The following ATP8A1 variants were observed in gnomAD, a reference collection of about 807,000 sequenced individuals.
ATP8A1 encodes ATPase phospholipid transporting 8A1, also known as phospholipid-transporting ATPase IA.
ATP8A1 carries 90 observed loss-of-function variants against 177.7 expected under a neutral mutation model. That is an observed-to-expected ratio of 0.51 (90% CI 0.43 to 0.60). ATP8A1 has a LOEUF of 0.60. Ranked by LOEUF, ATP8A1 falls within the 20% of genes least tolerant of loss-of-function variation. The pLI, the probability that ATP8A1 is intolerant of heterozygous loss-of-function variation, is 0.00. For missense variants in ATP8A1, 1,072 were observed against 1,392.8 expected, an observed-to-expected ratio of 0.77 and a Z score of 3.67; for synonymous variants, 493 against 485.9, an observed-to-expected ratio of 1.01 and a Z score of -0.19.
chr4:42,464,791 A>G lies in ATP8A1; in HGVS notation c.2518T>C (p.Leu840=). The G allele has an allele frequency of 6.2e-7, 1 of 1,613,622 alleles. No homozygotes were observed. The highest frequency in any genetic ancestry group is 2.2e-5 in the East Asian group (1 of 44,862). Residue 840 remains leucine (L), a synonymous_variant, in exon 27 of 37, where the codon TTG becomes CTG. Coordinates refer to ENST00000381668, the MANE Select transcript of ATP8A1 (RefSeq NM_006095.2). The part of the protein sequence containing the change: ...SDYSIAQFKY[L]KNLLMIHGAW... The stretch of plus-strand genomic sequence containing the variant: ...CCATGAATCATCAGTAAATTCTTCA[A>G]ATATTTGAACTAAAACAAGAGTGGG...
intron 35 of ATP8A1, among the ~76,000 whole-genome samples, chr4:42,421,850 T>G (rs1713976039): frequency 6.6e-6 from 1 of 152,176 alleles, no homozygotes; most frequent in Non-Finnish European, 1.5e-5. Flanking sequence ...AATAATTGTC[T>G]TTTATTATAG....
intron 24 of ATP8A1, among the ~76,000 whole-genome samples, chr4:42,501,367 GGCA>G (rs1280460754): frequency 2.0e-5 from 3 of 152,120 alleles, no homozygotes; most frequent in Non-Finnish European, 2.9e-5. Context: ...TTACTTTGTA[GGCA>G]GCAGAACTGG....
intron 6 of ATP8A1, among the ~76,000 whole-genome samples, chr4:42,599,675 G>A (rs1415333789): frequency 6.6e-6 from 1 of 152,188 alleles, no homozygotes; most frequent in Non-Finnish European, 1.5e-5. Context: ...AAGTACTGGA[G>A]TGCAAATAAA....
chr4:42,442,548 G>C (rs1449688703), intron 33 of ATP8A1, among the ~76,000 whole-genome samples: 3 of 152,190 alleles, frequency 2.0e-5, no homozygotes, highest in Non-Finnish European at 4.4e-5. Context: ...GTAGAAGGAA[G>C]TATATACTCC....
chr4:42,588,187 CACA>C (rs1733819518), intron 8 of ATP8A1, 70 bp downstream of exon 8: 1 of 1,306,198 alleles, frequency 7.7e-7, no homozygotes, highest in Non-Finnish European at 1.1e-6. Flanking sequence ...AAGACAATAA[CACA>C]AAGAAAGAAG....
At chr4:42,566,518 G>A (rs1227271531) in intron 15 of ATP8A1, among the ~76,000 whole-genome samples, 1 of 152,190 alleles carries the variant, frequency 6.6e-6, no homozygotes, top group Admixed American at 6.5e-5. Context: ...AATGCTCAAA[G>A]TTGTGCAAAG....
chr4:42,632,578 A>G (rs960009899), intron 1 of ATP8A1, among the ~76,000 whole-genome samples: 1 of 152,206 alleles, frequency 6.6e-6, no homozygotes, highest in African/African-American at 2.4e-5. Flanking sequence ...TAACTACTGA[A>G]TATGTTAATA....
chr4:42,517,793 G>C (rs1725712222), intron 22 of ATP8A1, among the ~76,000 whole-genome samples: 1 of 152,190 alleles, frequency 6.6e-6, no homozygotes, highest in African/African-American at 2.4e-5. Context: ...AGCTCAAACA[G>C]TACAGTTTTG....
intron 15 of ATP8A1, among the ~76,000 whole-genome samples, chr4:42,565,005 T>C (rs1403633784): frequency 6.6e-6 from 1 of 152,168 alleles, no homozygotes; most frequent in Non-Finnish European, 1.5e-5. Context: ...GGGGGAGTTT[T>C]CCTGCACAAG....
At chr4:42,427,228 A>G (rs1389369722) in intron 33 of ATP8A1, among the ~76,000 whole-genome samples, 2 of 152,238 alleles carry the variant, frequency 1.3e-5, no homozygotes, top group African/African-American at 4.8e-5. Flanking sequence ...AAACATAACT[A>G]AAAAAGTAAA....
At chr4:42,624,674 C>G (rs776781856) in intron 3 of ATP8A1, 40 bp from the exon 4 acceptor site, 1 of 1,119,940 alleles carries the variant, frequency 8.9e-7, no homozygotes, top group Non-Finnish European at 1.2e-6. Flanking sequence ...CCAATGAGAA[C>G]TAGAAAATTT....
At chr4:42,431,345 T>C (rs1715280707) in intron 33 of ATP8A1, among the ~76,000 whole-genome samples, 1 of 152,228 alleles carries the variant, frequency 6.6e-6, no homozygotes, top group Admixed American at 6.5e-5. Context: ...TGTATTTTTT[T>C]TTGTTCCCCC....
At chr4:42,581,300 A>AT (rs758136978) in intron 10 of ATP8A1, among the ~76,000 whole-genome samples, 2 of 151,970 alleles carry the variant, frequency 1.3e-5, no homozygotes, top group Non-Finnish European at 1.5e-5. Context: ...CGCCCGGCTA[A>AT]TTTTTTGTAT....
intron 1 of ATP8A1, among the ~76,000 whole-genome samples, chr4:42,635,392 T>C (rs891411913): frequency 6.6e-6 from 1 of 152,066 alleles, no homozygotes; most frequent in Non-Finnish European, 1.5e-5. Flanking sequence ...AGAGTGCAAT[T>C]ATATAACCTT....
chr4:42,507,756 G>A (rs1019470843), intron 22 of ATP8A1, among the ~76,000 whole-genome samples: 209 of 7,944 alleles, frequency 0.026, no homozygotes, highest in East Asian at 0.044. Context: ...AAAAAAAAAA[G>A]TCAGTTAAAA....
chr4:42,429,542 C>T (rs567056589), intron 33 of ATP8A1, among the ~76,000 whole-genome samples: 75 of 152,332 alleles, frequency 4.9e-4, no homozygotes, highest in Middle Eastern at 6.8e-3. Flanking sequence ...TTCCAGTCTT[C>T]CTCCTCTAGG....
chr4:42,423,466 TC>T, intron 34 of ATP8A1, 150 bp downstream of exon 34: 1 of 454,794 alleles, frequency 2.2e-6, no homozygotes, highest in Non-Finnish European at 3.8e-6. Context: ...GTTTTCTAGT[TC>T]CTGAATCACC....
rs181800278 is a variant in ATP8A1, at chr4:42,542,216, A to T, written c.1722+1701T>A. 9.1e-3 allele frequency among the ~76,000 whole-genome samples: 1,377 copies of T among 152,042 alleles called. 13 individuals carry two copies. The highest frequency in any genetic ancestry group is 0.029 in the African/African-American group (1,197 of 41,470). On this transcript the variant is annotated intron_variant, in intron 20 of 36. Transcript: ENST00000381668. ...ATAAAGTCTATATGAAATATATTAA[A>T]TTTTTTTTCAGAACAGCAAAAATAT...
intron 25 of ATP8A1, among the ~76,000 whole-genome samples, chr4:42,465,605 T>C (rs1236547125): frequency 6.6e-6 from 1 of 152,126 alleles, no homozygotes; most frequent in African/African-American, 2.4e-5. Context: ...CCACTAAGGG[T>C]CAAGTAAAAA....
Sources: allele counts gnomAD v4.1 joint callset (sites outside exome capture counted in the v4.1 genomes callset), GRCh38; gene constraint gnomAD v4.1.1; transcripts MANE v1.5; gene names NCBI Gene and HGNC (gene_info 2026-07-23, HGNC 2026-07-21).